Variants in MTUS2 observed in about 807,000 individuals in gnomAD.
MTUS2 encodes microtubule-associated tumor suppressor candidate 2.
A neutral mutation model predicts 114.1 loss-of-function variants in MTUS2; 40 were observed. The observed-to-expected ratio is 0.35, with a 90% confidence interval of 0.27 to 0.46. MTUS2 has a LOEUF of 0.46. Among genes scored for constraint, MTUS2 ranks in the 20% least tolerant of loss-of-function variants. MTUS2 has a pLI of 1.00. For missense variants in MTUS2, 1,679 were observed against 1,705.4 expected, an observed-to-expected ratio of 0.98 and a Z score of 0.27; for synonymous variants, 688 against 672.0, an observed-to-expected ratio of 1.02 and a Z score of -0.37.
intron 5 of MTUS2, among the ~76,000 whole-genome samples, chr13:29,127,760 G>C (rs149575763): frequency 1.2e-4 from 19 of 152,326 alleles, no homozygotes; most frequent in Non-Finnish European, 1.6e-4. Context: ...CCTCTGATCC[G>C]ATAGCTGCTC....
intron 5 of MTUS2, among the ~76,000 whole-genome samples, chr13:29,203,547 A>G (rs1351858217): frequency 1.5e-4 from 20 of 131,996 alleles, no homozygotes; most frequent in Non-Finnish European, 1.6e-5. Flanking sequence ...TGTTCCAATT[A>G]CCACTGGGGT....
chr13:29,091,922 C>A (rs1348145498), intron 4 of MTUS2, among the ~76,000 whole-genome samples: 1 of 152,192 alleles, frequency 6.6e-6, no homozygotes, highest in Non-Finnish European at 1.5e-5. Context: ...GGCAGCAGAG[C>A]CTGTTAACAA....
chr13:29,054,335 CT>C (rs1888032813), intron 4 of MTUS2, among the ~76,000 whole-genome samples: 1 of 151,982 alleles, frequency 6.6e-6, no homozygotes, highest in Non-Finnish European at 1.5e-5. Flanking sequence ...TTAGATATAT[CT>C]TTTGAAAATA....
intron 9 of MTUS2, among the ~76,000 whole-genome samples, chr13:29,459,425 CGTT>C (rs1054837410): frequency 6.6e-6 from 1 of 152,120 alleles, no homozygotes; most frequent in African/African-American, 2.4e-5. Context: ...GCTTCTTCCT[CGTT>C]ATTATTATAG....
intron 14 of MTUS2, 115 bp from the exon 15 acceptor site, chr13:29,500,982 T>C: frequency 2.7e-6 from 2 of 742,040 alleles, no homozygotes; most frequent in Middle Eastern, 4.8e-4. Flanking sequence ...CATTGCGAAC[T>C]GATGTTTGCA....
At chr13:28,988,482 T>C in intron 2 of MTUS2, among the ~76,000 whole-genome samples, 1 of 152,210 alleles carries the variant, frequency 6.6e-6, no homozygotes, top group East Asian at 1.9e-4. Context: ...TCAATTTCTA[T>C]CCCTACTGTT....
Position 29,480,142 on chromosome 13 carries a change from G to A in MTUS2, c.3185-8G>A, listed in dbSNP as rs1362791181. 6.4e-7 allele frequency: 1 copy of A among 1,551,914 alleles called. No homozygotes were observed. The highest frequency in any genetic ancestry group is 1.2e-5 in the South Asian group (1 of 84,016). On this transcript the variant is annotated splice_polypyrimidine_tract_variant and splice_region_variant and intron_variant, in intron 9 of 15. Transcript: ENST00000612955. The surrounding 1 kb of genome is among the most constrained non-coding windows in gnomAD (Gnocchi z 4.4). ...TTTTTAAAGAAAGATCTTGTGCTTT[G>A]CGCCCAGCCTTCCATACAGCAAAGT...
chr13:29,264,848 G>A (rs2139478196), intron 5 of MTUS2, among the ~76,000 whole-genome samples: 1 of 152,360 alleles, frequency 6.6e-6, no homozygotes, highest in Middle Eastern at 3.4e-3. Flanking sequence ...GCCTGTGATG[G>A]GAGGGCTGCC....
chr13:29,124,559 A>G (rs1293169064), intron 5 of MTUS2, among the ~76,000 whole-genome samples: 2 of 152,210 alleles, frequency 1.3e-5, no homozygotes, highest in African/African-American at 2.4e-5. Context: ...TTACTGTGTC[A>G]CCCAGCAATT....
intron 8 of MTUS2, among the ~76,000 whole-genome samples, chr13:29,379,691 G>A (rs1164943126): frequency 6.6e-6 from 1 of 152,184 alleles, no homozygotes. Context: ...CACTCAGGGT[G>A]GAGAAGGAGA....
At position 29,471,147 on chromosome 13, in the gene MTUS2, G is replaced by A. The variant is rs535301814; in HGVS notation, c.3185-9003G>A. 5.6e-4 allele frequency among the ~76,000 whole-genome samples: 85 copies of A among 152,006 alleles called. 2 individuals are homozygous for A. The East Asian group carries it at 6.4e-3, about 11-fold the overall frequency. On this transcript the variant is annotated intron_variant, in intron 9 of 15. Transcript: ENST00000612955. Reference sequence around the variant, plus strand: ...CACTTGAGGTCAGGAGTTTGAGACCGGCCTGGCCAACATGGTGAAACCCCA... The same window carrying A: ...CACTTGAGGTCAGGAGTTTGAGACCAGCCTGGCCAACATGGTGAAACCCCA...
chr13:29,021,531 C>A (rs1886290426), intron 2 of MTUS2, among the ~76,000 whole-genome samples: 1 of 152,158 alleles, frequency 6.6e-6, no homozygotes, highest in African/African-American at 2.4e-5. Flanking sequence ...AGCAAAGTTT[C>A]TTTCTTTCTC....
At chr13:29,479,696 CG>C (rs1881002922) in intron 9 of MTUS2, among the ~76,000 whole-genome samples, 1 of 152,208 alleles carries the variant, frequency 6.6e-6, no homozygotes, top group Non-Finnish European at 1.5e-5. Context: ...TCTTGATGGA[CG>C]TAAGAGTCAC....
intron 2 of MTUS2, among the ~76,000 whole-genome samples, chr13:28,892,957 T>G (rs145173821): frequency 5.7e-4 from 86 of 152,156 alleles, no homozygotes; most frequent in Admixed American, 1.0e-3. Context: ...CATGTGGAAT[T>G]TAGATGTGAG....
At chr13:29,372,576 CA>C (rs1402847818) in intron 8 of MTUS2, among the ~76,000 whole-genome samples, 1 of 152,188 alleles carries the variant, frequency 6.6e-6, no homozygotes, top group East Asian at 1.9e-4. Context: ...CAGATAAAGC[CA>C]TGAAAGATAT....
At chr13:29,050,020 C>T (rs537855194) in intron 4 of MTUS2, among the ~76,000 whole-genome samples, 111 of 152,278 alleles carry the variant, frequency 7.3e-4, no homozygotes, top group African/African-American at 2.6e-3. Flanking sequence ...GCCCTTCCTG[C>T]ATGAACCTCA....
intron 5 of MTUS2, among the ~76,000 whole-genome samples, chr13:29,184,836 T>A (rs946854461): frequency 4.6e-5 from 7 of 152,118 alleles, no homozygotes; most frequent in Non-Finnish European, 1.0e-4. Flanking sequence ...AATGTCTAGT[T>A]TTTTAACAAA....
At chr13:28,998,653 G>A (rs1305070931) in intron 2 of MTUS2, among the ~76,000 whole-genome samples, 1 of 151,982 alleles carries the variant, frequency 6.6e-6, no homozygotes, top group Non-Finnish European at 1.5e-5. Flanking sequence ...ACCTTCCATT[G>A]CTGATACGCT....
rs977696039 is a variant in MTUS2, at chr13:28,904,483, T to C, written c.-243+64633T>C. 4.2e-4 allele frequency among the ~76,000 whole-genome samples: 64 copies of C among 152,336 alleles called. No homozygotes were observed. The East Asian group carries it at 0.012, about 28-fold the overall frequency. On this transcript the variant is annotated intron_variant, in intron 2 of 15. Transcript: ENST00000612955. ...AGCTTTCTACATATGGCTAGCCAGT[T>C]TTCCCAGCACCATTTATTAAATAGG... is the stretch of plus-strand genomic sequence containing the variant.
Sources: gnomAD v4.1 joint callset for allele counts (sites outside exome capture counted in the v4.1 genomes callset) on GRCh38, gnomAD v4.1.1 for gene constraint, Gnocchi (gnomAD v3.1) non-coding constraint, MANE v1.5 for transcripts, NCBI Gene and HGNC (gene_info 2026-07-23, HGNC 2026-07-21) for gene names.